SPTLC2: variants seen among roughly 807,000 people sequenced by gnomAD.
SPTLC2 encodes serine palmitoyltransferase long chain base subunit 2.
A neutral mutation model predicts 62.0 loss-of-function variants in SPTLC2; 21 were observed. That is an observed-to-expected ratio of 0.34 (90% CI 0.24 to 0.49). The LOEUF (loss-of-function observed/expected upper bound fraction) is 0.49. Ranked by LOEUF, SPTLC2 falls within the 20% of genes least tolerant of loss-of-function variation. SPTLC2 has a pLI of 0.99. For synonymous variants in SPTLC2, 261 were observed against 261.8 expected (o/e 1.00, Z 0.03); for missense variants, 511 against 713.0 (o/e 0.72, Z 3.23).
intron 4 of SPTLC2, among the ~76,000 whole-genome samples, chr14:77,574,605 A>G (rs989053151): frequency 2.0e-5 from 3 of 152,222 alleles, no homozygotes; most frequent in African/African-American, 7.2e-5. Flanking sequence ...ATGACCATCA[A>G]GTGATAAGTG....
chr14:77,578,758 C>A (rs961722925), intron 3 of SPTLC2, 197 bp downstream of exon 3: 3 of 549,370 alleles, frequency 5.5e-6, no homozygotes, highest in Non-Finnish European at 9.4e-6. Flanking sequence ...GAACTATAAT[C>A]CAACACAGTA....
At chr14:77,537,363 T>C (rs2079476769) in intron 9 of SPTLC2, among the ~76,000 whole-genome samples, 1 of 152,184 alleles carries the variant, frequency 6.6e-6, no homozygotes, top group African/African-American at 2.4e-5. Context: ...TTCATTAATT[T>C]GCTCTTGTTT....
chr14:77,567,071 C>A (rs1333910048), intron 5 of SPTLC2, among the ~76,000 whole-genome samples: 1 of 152,010 alleles, frequency 6.6e-6, no homozygotes, highest in African/African-American at 2.4e-5. Flanking sequence ...CCCGGGTTCA[C>A]GCCATTCTCC....
At chr14:77,588,466 G>A (rs1324722118) in intron 2 of SPTLC2, among the ~76,000 whole-genome samples, 3 of 151,870 alleles carry the variant, frequency 2.0e-5, no homozygotes, top group Non-Finnish European at 4.4e-5. Context: ...CAAGGCAGGT[G>A]GATCGCTTGA....
chr14:77,598,087 A>G (rs1016568360), intron 1 of SPTLC2, among the ~76,000 whole-genome samples: 1 of 146,504 alleles, frequency 6.8e-6, no homozygotes, highest in South Asian at 2.1e-4. Flanking sequence ...AAGCCATTGC[A>G]CTCCAGCCTG....
chr14:77,604,950 A>G (rs1197425597), intron 1 of SPTLC2, among the ~76,000 whole-genome samples: 1 of 151,778 alleles, frequency 6.6e-6, no homozygotes, highest in Non-Finnish European at 1.5e-5. Context: ...AACTGAAAAC[A>G]CTGGTTATCT....
chr14:77,583,563 C>T (rs1286663780), intron 2 of SPTLC2, among the ~76,000 whole-genome samples: 1 of 152,140 alleles, frequency 6.6e-6, no homozygotes, highest in East Asian at 1.9e-4. Flanking sequence ...CCCTCATTCC[C>T]CCATCTCCAC....
chr14:77,554,425 C>A (rs937109432), intron 8 of SPTLC2, among the ~76,000 whole-genome samples: 26 of 152,310 alleles, frequency 1.7e-4, no homozygotes, highest in Middle Eastern at 3.4e-3. Flanking sequence ...ATTTCCCTAT[C>A]CCCTCCGCCT....
chr14:77,522,393 C>T (rs1429891426), intron 9 of SPTLC2, among the ~76,000 whole-genome samples: 1 of 152,124 alleles, frequency 6.6e-6, no homozygotes, highest in African/African-American at 2.4e-5. Context: ...GAACACCTAA[C>T]CTCAAGTGAT....
chr14:77,615,805 G>A (rs2079963289), intron 1 of SPTLC2, among the ~76,000 whole-genome samples: 1 of 152,184 alleles, frequency 6.6e-6, no homozygotes. Flanking sequence ...GGTCGAAGGG[G>A]CCACCTAATC....
intron 2 of SPTLC2, among the ~76,000 whole-genome samples, chr14:77,587,825 A>T (rs2079790886): frequency 6.6e-6 from 1 of 151,190 alleles, no homozygotes; most frequent in South Asian, 2.1e-4. Context: ...AGTACTACTA[A>T]AAGATTTCAA....
chr14:77,570,248 A>C (rs764586998), intron 5 of SPTLC2, 136 bp downstream of exon 5: 141 of 1,219,288 alleles, frequency 1.2e-4, no homozygotes, highest in Non-Finnish European at 1.4e-4. Flanking sequence ...AAAGAAAAAC[A>C]ATTTGTGGTA....
chr14:77,528,003 T>A (rs141530129), intron 9 of SPTLC2, among the ~76,000 whole-genome samples: 1 of 152,164 alleles, frequency 6.6e-6, no homozygotes, highest in African/African-American at 2.4e-5. Flanking sequence ...TCTTTCAAAA[T>A]AAAGGACACA....
chr14:77,540,426 T>C (rs1002436927), intron 9 of SPTLC2, among the ~76,000 whole-genome samples: 2 of 152,208 alleles, frequency 1.3e-5, no homozygotes, highest in East Asian at 3.9e-4. Flanking sequence ...CAAGAAATGG[T>C]CTCCATTTGA....
chr14:77,545,825 A>G lies in SPTLC2; in HGVS notation c.1303+6271T>C, dbSNP rs1019220209. 2.6e-5 allele frequency among the ~76,000 whole-genome samples: 4 copies of G among 152,360 alleles called. 1 individual carries two copies. The highest frequency in any genetic ancestry group is 6.8e-3 in the Middle Eastern group (2 of 294). On this transcript the variant is annotated intron_variant, in intron 9 of 11. Coordinates refer to ENST00000216484, the MANE Select transcript of SPTLC2 (RefSeq NM_004863.4). ...TCAAACTAACTCTGAAACGAGGCAC[A>G]AAAGGAGAGAATGTTCTTGTTGCAA...
chr14:77,513,092 C>A (rs2079341469), intron 11 of SPTLC2, among the ~76,000 whole-genome samples: 1 of 141,120 alleles, frequency 7.1e-6, no homozygotes, highest in African/African-American at 2.7e-5. Flanking sequence ...GTGGCACCAT[C>A]TCGGCTCACT....
At chr14:77,613,948 T>C (rs2079951391) in intron 1 of SPTLC2, among the ~76,000 whole-genome samples, 1 of 152,208 alleles carries the variant, frequency 6.6e-6, no homozygotes, top group Non-Finnish European at 1.5e-5. Context: ...TCACAGACAA[T>C]ATTCCTCCAT....
chr14:77,589,650 T>G (rs1161919581), intron 2 of SPTLC2, among the ~76,000 whole-genome samples: 1 of 151,680 alleles, frequency 6.6e-6, no homozygotes, highest in Admixed American at 6.6e-5. Flanking sequence ...ATTAGCCAGG[T>G]GTTATGGCAG....
chr14:77,580,775 G>A (rs547594388), intron 2 of SPTLC2, among the ~76,000 whole-genome samples: 1 of 152,250 alleles, frequency 6.6e-6, no homozygotes, highest in Admixed American at 6.5e-5. Flanking sequence ...CCCAACACTT[G>A]GGAGGCTAAG....
Sources: gnomAD v4.1 joint callset for allele counts (sites outside exome capture counted in the v4.1 genomes callset) on GRCh38, gnomAD v4.1.1 for gene constraint, MANE v1.5 for transcripts, NCBI Gene and HGNC (gene_info 2026-07-23, HGNC 2026-07-21) for gene names.